The following PLEKHA7 variants were observed in gnomAD, a reference collection of about 807,000 sequenced individuals.
PLEKHA7 encodes pleckstrin homology domain containing A7.
PLEKHA7 carries 104 observed loss-of-function variants against 170.0 expected under a neutral mutation model. The observed-to-expected ratio is 0.61, with a 90% confidence interval of 0.52 to 0.72. The LOEUF (loss-of-function observed/expected upper bound fraction) is 0.72, where lower values mean the gene tolerates loss of function less well. Among genes scored for constraint, PLEKHA7 ranks in the 30% least tolerant of loss-of-function variants. PLEKHA7 has a pLI of 0.00. For missense variants in PLEKHA7, 1,615 were observed against 1,671.7 expected, an observed-to-expected ratio of 0.97 and a Z score of 0.59; for synonymous variants, 648 against 660.8, an observed-to-expected ratio of 0.98 and a Z score of 0.30.
chr11:16,828,280 G>T (rs576409421), intron 9 of PLEKHA7, among the ~76,000 whole-genome samples: 208 of 152,216 alleles, frequency 1.4e-3, no homozygotes, highest in Non-Finnish European at 2.2e-3. Context: ...CAGTGGGTGC[G>T]TTCTCATGAG....
intron 3 of PLEKHA7, among the ~76,000 whole-genome samples, chr11:16,970,837 A>G (rs1233578824): frequency 6.6e-6 from 1 of 152,210 alleles, no homozygotes; most frequent in East Asian, 1.9e-4. Flanking sequence ...ATGAGAAAAG[A>G]CAGGAAGAAA....
Position 16,965,163 on chromosome 11 carries a change from A to C in PLEKHA7, c.221+48826T>G, listed in dbSNP as rs370010587. 7.5e-4 allele frequency among the ~76,000 whole-genome samples: 113 copies of C among 151,674 alleles called. 1 individual carries two copies. The highest frequency in any genetic ancestry group is 2.3e-3 in the African/African-American group (97 of 41,396). ...GTCTCTACAAAATATACAAAAAAAAACCCAAAAACATAAGTCAGGTGTGGT... is the reference window on the plus strand; with the variant it reads ...GTCTCTACAAAATATACAAAAAAAACCCCAAAAACATAAGTCAGGTGTGGT... On this transcript the variant is annotated intron_variant, in intron 3 of 26. Coordinates refer to ENST00000531066, the MANE Select transcript of PLEKHA7 (RefSeq NM_001329630.2).
At chr11:16,970,145 T>C (rs917947786) in intron 3 of PLEKHA7, among the ~76,000 whole-genome samples, 1 of 152,130 alleles carries the variant, frequency 6.6e-6, no homozygotes, top group African/African-American at 2.4e-5. Flanking sequence ...GAAAGGGGGT[T>C]TTCTCAGAAC....
intron 4 of PLEKHA7, among the ~76,000 whole-genome samples, chr11:16,864,135 GA>G (rs1854198039): frequency 1.3e-5 from 2 of 152,144 alleles, no homozygotes; most frequent in African/African-American, 4.8e-5. Context: ...ATAGTGTTTA[GA>G]AGCATGGCAT....
intron 3 of PLEKHA7, among the ~76,000 whole-genome samples, chr11:16,999,469 C>G (rs1864538647): frequency 6.6e-6 from 1 of 152,044 alleles, no homozygotes; most frequent in Non-Finnish European, 1.5e-5. Flanking sequence ...CTGGGACTGA[C>G]AGCATCATCT....
chr11:17,007,615 C>A (rs1196733797), intron 3 of PLEKHA7, among the ~76,000 whole-genome samples: 1 of 150,920 alleles, frequency 6.6e-6, no homozygotes, highest in Non-Finnish European at 1.5e-5. Context: ...ATTCTGTCGC[C>A]CAGGCTGGAG....
At chr11:16,801,216 A>T in intron 16 of PLEKHA7, 141 bp from the exon 17 acceptor site, 1 of 729,516 alleles carries the variant, frequency 1.4e-6, no homozygotes, top group Admixed American at 2.1e-5. Flanking sequence ...GGAGAGAGAG[A>T]GGAGCAGGAA....
intron 4 of PLEKHA7, among the ~76,000 whole-genome samples, chr11:16,858,274 C>A (rs1352505512): frequency 6.6e-6 from 1 of 152,128 alleles, no homozygotes; most frequent in Middle Eastern, 3.2e-3. Context: ...TGTGACTTCA[C>A]ATCTTCATTT....
chr11:16,917,800 T>C lies in PLEKHA7; in HGVS notation c.222-46618A>G, dbSNP rs143507780. ...CATCATCTGGCCCACTCCACTATCA[T>C]AGCACTTACCACATGGCAGATGCAC... On this transcript the variant is annotated intron_variant, in intron 3 of 26. Transcript: ENST00000531066. Among the ~76,000 whole-genome samples, 324 of 152,350 alleles carry C rather than the reference T, an allele frequency of 2.1e-3. 2 individuals are homozygous for C. The highest frequency in any genetic ancestry group is 7.5e-3 in the African/African-American group (311 of 41,584).
intron 3 of PLEKHA7, among the ~76,000 whole-genome samples, chr11:17,001,871 G>T (rs1864684175): frequency 6.6e-6 from 1 of 152,234 alleles, no homozygotes; most frequent in South Asian, 2.1e-4. Context: ...GAGACCTCAA[G>T]AGGGCGAGGC....
chr11:16,937,711 C>T (rs895647467), intron 3 of PLEKHA7, among the ~76,000 whole-genome samples: 3 of 151,934 alleles, frequency 2.0e-5, no homozygotes, highest in African/African-American at 7.3e-5. Flanking sequence ...CAGGTTCAAG[C>T]GAGTCTCCTG....
At chr11:16,941,580 C>T (rs532613868) in intron 3 of PLEKHA7, among the ~76,000 whole-genome samples, 1 of 152,142 alleles carries the variant, frequency 6.6e-6, no homozygotes, top group East Asian at 1.9e-4. Context: ...TACTATGAGC[C>T]AAGTATATGC....
chr11:16,855,477 C>T (rs1853360411), intron 5 of PLEKHA7: 2 of 305,308 alleles, frequency 6.6e-6, no homozygotes, highest in African/African-American at 4.3e-5. Context: ...TTTCTCAGGG[C>T]CTCATGTCAC....
chr11:16,881,156 C>T (rs1293347855), intron 3 of PLEKHA7: 1 of 152,194 alleles, frequency 6.6e-6, no homozygotes, highest in Non-Finnish European at 1.5e-5. Context: ...TCGAAAACTC[C>T]CTTTCTCTCA....
chr11:16,863,516 G>A (rs904069016), intron 4 of PLEKHA7, among the ~76,000 whole-genome samples: 1 of 152,122 alleles, frequency 6.6e-6, no homozygotes, highest in Non-Finnish European at 1.5e-5. Context: ...CTTCCTAAGC[G>A]CATACTGTCT....
chr11:16,909,629 C>A (rs779212433), intron 3 of PLEKHA7, among the ~76,000 whole-genome samples: 4 of 152,214 alleles, frequency 2.6e-5, no homozygotes, highest in Non-Finnish European at 4.4e-5. Flanking sequence ...TGTGACACCT[C>A]AGTCATGCTC....
chr11:16,838,973 A>C (rs1227824056), intron 9 of PLEKHA7, among the ~76,000 whole-genome samples: 1 of 152,122 alleles, frequency 6.6e-6, no homozygotes, highest in Non-Finnish European at 1.5e-5. Flanking sequence ...GGTGTGAGCC[A>C]CCGCACCCGG....
chr11:16,940,525 T>A (rs1455594851), intron 3 of PLEKHA7, among the ~76,000 whole-genome samples: 1 of 151,898 alleles, frequency 6.6e-6, no homozygotes, highest in Non-Finnish European at 1.5e-5. Flanking sequence ...TGACCTCAGG[T>A]GATCCGCCCG....
At chr11:17,006,584 G>A (rs1233717498) in intron 3 of PLEKHA7, among the ~76,000 whole-genome samples, 8 of 136,958 alleles carry the variant, frequency 5.8e-5, no homozygotes, top group African/African-American at 1.1e-4. Context: ...CCGAGATGCC[G>A]CCACTGCACT....
Sources: allele counts gnomAD v4.1 joint callset (sites outside exome capture counted in the v4.1 genomes callset), GRCh38; gene constraint gnomAD v4.1.1; transcripts MANE v1.5; gene names NCBI Gene and HGNC (gene_info 2026-07-23, HGNC 2026-07-21).